PRR5L: variants seen among roughly 807,000 people sequenced by gnomAD.
PRR5L encodes the protein proline rich 5 like, also known as proline-rich protein 5-like.
In PRR5L, 21 loss-of-function variants were observed where a neutral mutation model predicts 36.4. That is an observed-to-expected ratio of 0.58 (90% CI 0.41 to 0.83). PRR5L has a LOEUF of 0.83. Ranked by LOEUF, PRR5L falls within the 40% of genes least tolerant of loss-of-function variation. The pLI, the probability that PRR5L is intolerant of heterozygous loss-of-function variation, is 0.00. For synonymous variants in PRR5L, 188 were observed against 197.0 expected, an observed-to-expected ratio of 0.95 and a Z score of 0.38; for missense variants, 381 against 473.3, an observed-to-expected ratio of 0.80 and a Z score of 1.81.
rs36056659 is a variant in PRR5L at position 36,388,698 on chromosome 11, C to CTTTTTT, written c.-125-12286_-125-12281dup. Among the ~76,000 whole-genome samples the CTTTTTT allele has an allele frequency of 4.6e-4, 50 of 109,130 alleles. No homozygotes were observed. The East Asian group carries it at 4.7e-3, about 10-fold the overall frequency. 71.6% of individuals were successfully genotyped at this position (109,130 alleles called of 152,430 possible). A position where few individuals can be genotyped will look rare whatever the true frequency, so the allele number is the denominator to read the frequency against. ...TTCATTCAAGGTCGGCTCTTTCTTT[C>CTTTTTT]TTTTTTTTTTTTTTTTTTGAGACGG... On this transcript the variant is annotated intron_variant, in intron 1 of 8. Transcript: ENST00000530639.
intron 1 of PRR5L, among the ~76,000 whole-genome samples, chr11:36,301,519 A>C (rs947522212): frequency 7.2e-5 from 11 of 152,086 alleles, no homozygotes; most frequent in African/African-American, 2.7e-4. Context: ...TCTGACTTGA[A>C]CTACAGAAGG....
rs115266426 is a variant in PRR5L, at chr11:36,343,746, C to T, written c.-126+47308C>T. Among the ~76,000 whole-genome samples, 1,098 of 152,194 alleles carry T rather than the reference C, an allele frequency of 7.2e-3. 16 individuals carry two copies. Among genetic ancestry groups the T allele is most frequent in the African/African-American group, 0.024 (1,003 of 41,524 alleles). The stretch of plus-strand genomic sequence containing the variant: ...ATAAGGTATGTGATTCTCGCAATGA[C>T]GCCGTGATGTAAATGCTATTATTAC... On this transcript the variant is annotated intron_variant, in intron 1 of 8. Transcript: ENST00000530639.
chr11:36,455,338 G>A (rs563525501), intron 8 of PRR5L: 1 of 152,892 alleles, frequency 6.5e-6, no homozygotes, highest in Non-Finnish European at 1.5e-5. Context: ...ACCCGAGGAC[G>A]GCCTTATCCA....
At chr11:36,309,201 G>A (rs951201087) in intron 1 of PRR5L, among the ~76,000 whole-genome samples, 1 of 152,174 alleles carries the variant, frequency 6.6e-6, no homozygotes, top group African/African-American at 2.4e-5. Context: ...TCTTGGAGCA[G>A]CCTAAATTCT....
chr11:36,451,114 C>T (rs767856293), intron 7 of PRR5L, 95 bp from the exon 8 acceptor site: 1 of 1,467,352 alleles, frequency 6.8e-7, no homozygotes, highest in Middle Eastern at 1.8e-4. Context: ...CAGCCTTGTA[C>T]ATTGGAGGAG....
chr11:36,396,111 T>C (rs1857654551), intron 1 of PRR5L: 1 of 152,150 alleles, frequency 6.6e-6, no homozygotes. Context: ...TTGAAATATA[T>C]AGGAAAAAAG....
At chr11:36,312,834 A>G (rs892952073) in intron 1 of PRR5L, among the ~76,000 whole-genome samples, 1 of 152,274 alleles carries the variant, frequency 6.6e-6, no homozygotes, top group Admixed American at 6.5e-5. Flanking sequence ...TGAGGATTAC[A>G]GACCCTGACC....
At chr11:36,430,072 T>A (rs983162670) in intron 4 of PRR5L, among the ~76,000 whole-genome samples, 1 of 152,170 alleles carries the variant, frequency 6.6e-6, no homozygotes, top group African/African-American at 2.4e-5. Context: ...TATTCCTATA[T>A]GGTGTCACTG....
intron 1 of PRR5L, among the ~76,000 whole-genome samples, chr11:36,349,095 G>A (rs957961869): frequency 6.6e-6 from 1 of 152,014 alleles, no homozygotes; most frequent in Non-Finnish European, 1.5e-5. Flanking sequence ...GACCAGTGTG[G>A]CCAACGTGGT....
At chr11:36,301,944 G>A (rs1856381181) in intron 1 of PRR5L, among the ~76,000 whole-genome samples, 1 of 152,174 alleles carries the variant, frequency 6.6e-6, no homozygotes, top group African/African-American at 2.4e-5. Flanking sequence ...ATATCATGAT[G>A]TCTGTAATTT....
chr11:36,442,227 T>C (rs1220577631), intron 6 of PRR5L, among the ~76,000 whole-genome samples: 1 of 152,238 alleles, frequency 6.6e-6, no homozygotes, highest in Non-Finnish European at 1.5e-5. Context: ...TCCAAATTTT[T>C]ATGCTCTGTT....
chr11:36,416,132 T>C (rs1858137343), intron 3 of PRR5L, among the ~76,000 whole-genome samples: 1 of 152,234 alleles, frequency 6.6e-6, no homozygotes, highest in Admixed American at 6.5e-5. Context: ...ATTAGCACTT[T>C]ATTGGTGCAT....
intron 3 of PRR5L, among the ~76,000 whole-genome samples, chr11:36,404,284 T>TTTG (rs1564938242): frequency 6.6e-5 from 10 of 151,360 alleles, no homozygotes; most frequent in African/African-American, 2.2e-4. Context: ...TTTTTTTTTT[T>TTTG]TTTTTTAAAC....
At chr11:36,387,382 G>A (rs954699359) in intron 1 of PRR5L, among the ~76,000 whole-genome samples, 14 of 151,936 alleles carry the variant, frequency 9.2e-5, no homozygotes, top group African/African-American at 1.9e-4. Context: ...AAACCTGCAC[G>A]TTGTGCACAT....
chr11:36,339,742 T>A (rs1856800746), intron 1 of PRR5L, among the ~76,000 whole-genome samples: 1 of 152,208 alleles, frequency 6.6e-6, no homozygotes, highest in East Asian at 1.9e-4. Flanking sequence ...AGAAGGTGAC[T>A]GGAAAACAAT....
chr11:36,447,904 G>A (rs1858866137), intron 7 of PRR5L, among the ~76,000 whole-genome samples: 1 of 152,210 alleles, frequency 6.6e-6, no homozygotes, highest in African/African-American at 2.4e-5. Flanking sequence ...CTTAATTAGA[G>A]CATGCTTCCT....
chr11:36,320,613 T>C (rs1856605689), intron 1 of PRR5L, among the ~76,000 whole-genome samples: 1 of 152,242 alleles, frequency 6.6e-6, no homozygotes, highest in South Asian at 2.1e-4. Context: ...CCTCATCTGC[T>C]GTAAGCCCTA....
At chr11:36,363,827 C>G (rs1282762307) in intron 1 of PRR5L, among the ~76,000 whole-genome samples, 1 of 152,212 alleles carries the variant, frequency 6.6e-6, no homozygotes, top group Non-Finnish European at 1.5e-5. Context: ...CTGTTAATTT[C>G]CAGTAGGACG....
At chr11:36,450,840 T>C (rs775751875) in intron 7 of PRR5L, among the ~76,000 whole-genome samples, 9 of 152,240 alleles carry the variant, frequency 5.9e-5, no homozygotes, top group Non-Finnish European at 1.0e-4. Flanking sequence ...TCAGGAGACC[T>C]CCGTGCATTA....
Sources: allele counts gnomAD v4.1 joint callset (sites outside exome capture counted in the v4.1 genomes callset), GRCh38; gene constraint gnomAD v4.1.1; transcripts MANE v1.5; gene names NCBI Gene and HGNC (gene_info 2026-07-23, HGNC 2026-07-21).